GTF3C1: variants seen among roughly 807,000 people sequenced by gnomAD.
The protein encoded by GTF3C1 is general transcription factor 3C polypeptide 1.
A neutral mutation model predicts 226.7 loss-of-function variants in GTF3C1; 57 were observed. That is an observed-to-expected ratio of 0.25 (90% CI 0.20 to 0.31). The LOEUF is 0.31. Among genes scored for constraint, GTF3C1 ranks in the 10% least tolerant of loss-of-function variants. The pLI is 1.00. For missense variants in GTF3C1, 2,217 were observed against 2,776.1 expected, an observed-to-expected ratio of 0.80 and a Z score of 4.53; for synonymous variants, 1,090 against 1,084.8, an observed-to-expected ratio of 1.00 and a Z score of -0.09.
Position 27,506,016 on chromosome 16 carries a change from G to A in GTF3C1, c.1653C>T (p.Asp551=), listed in dbSNP as rs752198331. ...ERACQSLASR[D]SLLDTSSVSE... ...AGACGCTGCTGGTATCTAAGAGGCT[G>A]TCCCTGCTGGCAAGGCTCTGGCAGG... is the stretch of plus-strand genomic sequence containing the variant. Residue 551 remains aspartate (D), a synonymous_variant, in exon 10 of 37, where the codon GAC becomes GAT. Transcript: ENST00000356183. 4 of 1,613,290 alleles carry A rather than the reference G, an allele frequency of 2.5e-6. No homozygotes were observed. The Admixed American group carries it at 5.0e-5, about 20-fold the overall frequency.
chr16:27,501,591 C>A (rs753475924), intron 11 of GTF3C1, among the ~76,000 whole-genome samples: 1 of 152,238 alleles, frequency 6.6e-6, no homozygotes, highest in Non-Finnish European at 1.5e-5. Flanking sequence ...ACCGGCAACT[C>A]AAGAGACTAC....
intron 29 of GTF3C1, among the ~76,000 whole-genome samples, chr16:27,473,059 G>A (rs2087899695): frequency 6.6e-6 from 1 of 152,130 alleles, no homozygotes; most frequent in Admixed American, 6.5e-5. Flanking sequence ...GGGACTACAG[G>A]CACTATGCCT....
intron 23 of GTF3C1, among the ~76,000 whole-genome samples, chr16:27,486,796 C>T (rs1314014980): frequency 1.3e-5 from 2 of 152,228 alleles, no homozygotes; most frequent in East Asian, 3.8e-4. Context: ...CATTGTGTGC[C>T]TAGCACTGGT....
chr16:27,512,671 C>T (rs189746259), intron 6 of GTF3C1, among the ~76,000 whole-genome samples: 54 of 151,912 alleles, frequency 3.6e-4, no homozygotes, highest in African/African-American at 1.0e-3. Flanking sequence ...GTAAAACATG[C>T]GAAAAAAATA....
At chr16:27,494,456 T>C (rs1347197144) in intron 16 of GTF3C1, among the ~76,000 whole-genome samples, 1 of 151,120 alleles carries the variant, frequency 6.6e-6, no homozygotes, top group Admixed American at 6.6e-5. Context: ...TGTTGTAATA[T>C]AATTGTCTTT....
chr16:27,514,644 A>G (rs1375163071), intron 6 of GTF3C1, among the ~76,000 whole-genome samples: 1 of 151,944 alleles, frequency 6.6e-6, no homozygotes, highest in African/African-American at 2.4e-5. Flanking sequence ...ATCCATTACT[A>G]TATCCTGGAT....
chr16:27,504,047 TC>T (rs1309397515), intron 10 of GTF3C1, among the ~76,000 whole-genome samples: 1 of 152,202 alleles, frequency 6.6e-6, no homozygotes, highest in Non-Finnish European at 1.5e-5. Flanking sequence ...CCTTCGTGCT[TC>T]AGGGTGAAAA....
chr16:27,517,555 C>T (rs893816964), intron 6 of GTF3C1, among the ~76,000 whole-genome samples: 1 of 152,174 alleles, frequency 6.6e-6, no homozygotes, highest in African/African-American at 2.4e-5. Context: ...AACCAGCACC[C>T]GCTCACAGGC....
At chr16:27,490,437 G>A (rs2088216155) in intron 19 of GTF3C1, among the ~76,000 whole-genome samples, 1 of 152,160 alleles carries the variant, frequency 6.6e-6, no homozygotes, top group Admixed American at 6.5e-5. Flanking sequence ...CATGGCCGGT[G>A]GGGCCCGGGG....
Position 27,486,582 on chromosome 16 carries a change from C to A in GTF3C1, c.3701-428G>T, listed in dbSNP as rs555100791. 5.9e-5 allele frequency among the ~76,000 whole-genome samples: 9 copies of A among 152,254 alleles called. No homozygotes were observed. The South Asian group carries it at 1.5e-3, about 25-fold the overall frequency. On this transcript the variant is annotated intron_variant, in intron 23 of 36. Transcript: ENST00000356183. ...CACGCTCCCTTGCTCTGTGACCACACGGGCGTTGTGTAGACTTGAGTGCAT... is the reference window on the plus strand; with the variant it reads ...CACGCTCCCTTGCTCTGTGACCACAAGGGCGTTGTGTAGACTTGAGTGCAT...
chr16:27,479,239 T>C (rs1343371235), intron 27 of GTF3C1, among the ~76,000 whole-genome samples: 1 of 152,194 alleles, frequency 6.6e-6, no homozygotes, highest in African/African-American at 2.4e-5. Context: ...AAAATTATTA[T>C]TCATCAATTA....
intron 1 of GTF3C1, among the ~76,000 whole-genome samples, chr16:27,548,134 AG>A (rs1480256828): frequency 2.6e-5 from 4 of 152,222 alleles, no homozygotes; most frequent in African/African-American, 9.7e-5. Context: ...ATCTTAGCAC[AG>A]TCCTAGCTAT....
chr16:27,464,200 G>A, intron 34 of GTF3C1, 120 bp downstream of exon 34: 2 of 557,046 alleles, frequency 3.6e-6, no homozygotes, highest in East Asian at 6.9e-5. Context: ...CTGAAGTCAA[G>A]CCCCTTTTGT....
chr16:27,461,502 G>A lies in GTF3C1; in HGVS notation c.6178C>T (p.Leu2060Phe), dbSNP rs2087704415. 6 of 1,614,002 alleles carry A rather than the reference G, an allele frequency of 3.7e-6. No individual in the cohort carries two copies. Among genetic ancestry groups the A allele is most frequent in the Non-Finnish European group, 5.1e-6 (6 of 1,179,964 alleles). The stretch of plus-strand genomic sequence containing the variant: ...TCTTCCACCACGGGTGTAGAGAAGA[G>A]CGAGACAGGCCTTGGCTTTCTCAGC... ...RWLRKPRPVS[L>F]FSTPVVEEVE... is the part of the protein sequence containing the mutation. The change falls in exon 37 of 37, where the codon CTC (leucine) becomes TTC (phenylalanine). Residue 2060 changes from leucine to phenylalanine, a missense_variant. Leu to Phe is a conservative substitution (Grantham distance 22). Transcript: ENST00000356183. This position sits in a 1 kb window ranked among gnomAD's most constrained non-coding sequence, Gnocchi z 5.3.
At chr16:27,513,583 A>T (rs2088610393) in intron 6 of GTF3C1, among the ~76,000 whole-genome samples, 1 of 152,196 alleles carries the variant, frequency 6.6e-6, no homozygotes, top group Non-Finnish European at 1.5e-5. Flanking sequence ...CAGGGAATGC[A>T]GGTGCCTCCT....
At chr16:27,482,724 C>A in intron 26 of GTF3C1, 1 of 441,788 alleles carries the variant, frequency 2.3e-6, no homozygotes, top group Non-Finnish European at 4.4e-6. Flanking sequence ...GGAAAGAAAA[C>A]CCACACCCAG....
intron 4 of GTF3C1, 75 bp downstream of exon 4, chr16:27,537,709 C>G: frequency 9.6e-7 from 1 of 1,037,892 alleles, no homozygotes; most frequent in Non-Finnish European, 1.4e-6. Context: ...TACCCAGCTG[C>G]CCCTACAATT....
At position 27,471,656 on chromosome 16, in the gene GTF3C1, C is replaced by T. The variant is rs1320103420; in HGVS notation, c.4526+92G>A. 56 of 1,047,098 alleles carry T rather than the reference C, an allele frequency of 5.3e-5. No homozygotes were observed. In the East Asian group the frequency reaches 7.4e-4, roughly 14 times the overall value. The allele number at this position is 1,047,098 out of a possible 1,614,324, so 64.9% of individuals were successfully genotyped here. A position where few individuals can be genotyped will look rare whatever the true frequency, so the allele number is the denominator to read the frequency against. On this transcript the variant is annotated intron_variant, in intron 30 of 36. Coordinates refer to ENST00000356183, the MANE Select transcript of GTF3C1 (RefSeq NM_001520.4). The surrounding 1 kb of genome is among the most constrained non-coding windows in gnomAD (Gnocchi z 5.0). ...GCTGCGAAGGTCCCTGGCTCCTACA[C>T]GCTTTCATGGCCACAGTGCTTCCTT...
chr16:27,484,493 A>AT (rs1361810487), intron 24 of GTF3C1, 140 bp from the exon 25 acceptor site: 2 of 627,494 alleles, frequency 3.2e-6, no homozygotes, highest in Admixed American at 2.5e-5. Context: ...ACCTCACAAT[A>AT]TTTACTGGGC....
Sources: allele counts gnomAD v4.1 joint callset (sites outside exome capture counted in the v4.1 genomes callset), GRCh38; gene constraint gnomAD v4.1.1; non-coding constraint Gnocchi (gnomAD v3.1); transcripts MANE v1.5; gene names NCBI Gene and HGNC (gene_info 2026-07-23, HGNC 2026-07-21).